CDH9: variants seen among roughly 807,000 people sequenced by gnomAD.
CDH9 encodes cadherin-9.
CDH9 carries 28 observed loss-of-function variants against 70.9 expected under a neutral mutation model. That is an observed-to-expected ratio of 0.40 (90% CI 0.29 to 0.54). The LOEUF is 0.54. Ranked by LOEUF, CDH9 falls within the 20% of genes least tolerant of loss-of-function variation. CDH9 has a pLI of 0.59. For missense variants in CDH9, 874 were observed against 984.4 expected, an observed-to-expected ratio of 0.89 and a Z score of 1.50; for synonymous variants, 409 against 343.1, an observed-to-expected ratio of 1.19 and a Z score of -2.12.
intron 1 of CDH9, among the ~76,000 whole-genome samples, chr5:27,021,305 T>C (rs1006375898): frequency 6.6e-6 from 1 of 151,844 alleles, no homozygotes; most frequent in Non-Finnish European, 1.5e-5. Context: ...ATTAATGACA[T>C]ATTAATAGTC....
rs144484970 is a variant in CDH9, at chr5:26,902,617, T to G, written c.1112A>C (p.Lys371Thr). The part of the protein sequence containing the change: ...LGPFKDTAVV[K>T]ISVEDIDEPP... ...CTCATCTATATCTTCCACAGATATT[T>G]TGACCACAGCTGTATCTTTGAAAGG... The change falls in exon 7 of 12, where the codon AAA becomes ACA. Residue 371 changes from lysine (K) to threonine (T), a missense_variant. Coordinates refer to ENST00000231021, the MANE Select transcript of CDH9 (RefSeq NM_016279.4). 550 of 1,603,222 alleles carry G rather than the reference T, an allele frequency of 3.4e-4. 1 individual carries two copies. The highest frequency in any genetic ancestry group is 4.2e-4 in the Non-Finnish European group (490 of 1,170,352).
At chr5:26,977,238 T>C (rs2112079854) in intron 2 of CDH9, among the ~76,000 whole-genome samples, 1 of 152,018 alleles carries the variant, frequency 6.6e-6, no homozygotes, top group East Asian at 1.9e-4. Context: ...CTCAGACTAA[T>C]GGAAACTGGC....
chr5:26,965,430 G>A (rs960952531), intron 2 of CDH9, among the ~76,000 whole-genome samples: 5 of 151,958 alleles, frequency 3.3e-5, no homozygotes, highest in South Asian at 2.1e-4. Flanking sequence ...ACAAAAATTA[G>A]TCAGGCGTGG....
intron 2 of CDH9, among the ~76,000 whole-genome samples, chr5:26,965,942 A>G (rs1236624970): frequency 6.6e-6 from 1 of 152,206 alleles, no homozygotes; most frequent in African/African-American, 2.4e-5. Flanking sequence ...TTGAATAATC[A>G]CATCCAACTT....
chr5:26,982,700 T>G (rs2329350), intron 2 of CDH9, among the ~76,000 whole-genome samples: 71,459 of 151,352 alleles, frequency 0.47, 17,635 homozygotes, highest in African/African-American at 0.51. Flanking sequence ...GTTTTTTTGT[T>G]TTTTTTGAGA....
chr5:26,977,483 G>GTATATATA (rs1487464701), intron 2 of CDH9, among the ~76,000 whole-genome samples: 1 of 141,466 alleles, frequency 7.1e-6, no homozygotes, highest in Admixed American at 6.9e-5. Context: ...GTGTGTGTGT[G>GTATATATA]TGTATATATA....
At chr5:26,977,485 GTATATA>G (rs775423954) in intron 2 of CDH9, among the ~76,000 whole-genome samples, 93 of 68,840 alleles carry the variant, frequency 1.4e-3, no homozygotes, top group African/African-American at 8.7e-3. Context: ...GTGTGTGTGT[GTATATA>G]TATATATATA....
chr5:26,992,447 C>G (rs969399845), intron 1 of CDH9, among the ~76,000 whole-genome samples: 1 of 152,130 alleles, frequency 6.6e-6, no homozygotes, highest in Non-Finnish European at 1.5e-5. Context: ...CATCTATGAA[C>G]CAGGAAACTG....
chr5:26,974,023 T>C (rs1742264055), intron 2 of CDH9, among the ~76,000 whole-genome samples: 1 of 152,170 alleles, frequency 6.6e-6, no homozygotes, highest in African/African-American at 2.4e-5. Context: ...GGCAGGCAGA[T>C]CACCTGAGAT....
At chr5:26,899,025 C>G (rs926096501) in intron 7 of CDH9, among the ~76,000 whole-genome samples, 1 of 152,128 alleles carries the variant, frequency 6.6e-6, no homozygotes, top group African/African-American at 2.4e-5. Context: ...TGAACAGACA[C>G]TTCTCAAAAG....
intron 2 of CDH9, among the ~76,000 whole-genome samples, chr5:26,960,393 A>G (rs1289051815): frequency 1.3e-5 from 2 of 152,052 alleles, no homozygotes; most frequent in Non-Finnish European, 2.9e-5. Context: ...AAACTTTCCA[A>G]TCACTAGTAT....
intron 7 of CDH9, among the ~76,000 whole-genome samples, chr5:26,900,604 A>G (rs1740838433): frequency 6.6e-6 from 1 of 152,080 alleles, no homozygotes; most frequent in African/African-American, 2.4e-5. Flanking sequence ...CAGACTCAAA[A>G]ATGTTCAATT....
chr5:26,923,433 A>T (rs1049769407), intron 2 of CDH9, among the ~76,000 whole-genome samples: 1 of 152,022 alleles, frequency 6.6e-6, no homozygotes, highest in African/African-American at 2.4e-5. Flanking sequence ...AGCAAACATT[A>T]TTAGAGCTAA....
At chr5:26,999,187 G>A (rs1237865675) in intron 1 of CDH9, among the ~76,000 whole-genome samples, 1 of 152,072 alleles carries the variant, frequency 6.6e-6, no homozygotes, top group Non-Finnish European at 1.5e-5. Context: ...AGAGGTTGCA[G>A]TGAGCCGAGA....
chr5:27,032,816 CG>C (rs1473966946), intron 1 of CDH9, among the ~76,000 whole-genome samples: 38 of 151,132 alleles, frequency 2.5e-4, no homozygotes, highest in Middle Eastern at 3.7e-3. Flanking sequence ...TATTGACTCT[CG>C]GGGAAAATAG....
At chr5:26,894,449 A>G (rs1740712382) in intron 7 of CDH9, among the ~76,000 whole-genome samples, 1 of 152,062 alleles carries the variant, frequency 6.6e-6, no homozygotes, top group Admixed American at 6.6e-5. Flanking sequence ...CTTGAAAGAC[A>G]CTGTTTTTCA....
chr5:26,893,218 G>A (rs1438194186), intron 7 of CDH9, among the ~76,000 whole-genome samples: 1 of 152,158 alleles, frequency 6.6e-6, no homozygotes, highest in Non-Finnish European at 1.5e-5. Context: ...AGTACATGAA[G>A]ATGCTTGCTT....
rs201104068 is a variant in CDH9 at position 26,902,469 on chromosome 5, T to A, written c.1253+7A>T. ...AAAAACATAATAAATGTTTTCAAAG[T>A]ACTTACTTTATTAAATTGTTCCTGG... is the stretch of plus-strand genomic sequence containing the variant. On this transcript the variant is annotated splice_region_variant and intron_variant, in intron 7 of 11. Transcript: ENST00000231021. 6.3e-7 allele frequency: 1 copy of A among 1,580,742 alleles called. No individual in the cohort carries two copies. The highest frequency in any genetic ancestry group is 8.7e-7 in the Non-Finnish European group (1 of 1,153,200).
intron 2 of CDH9, among the ~76,000 whole-genome samples, chr5:26,957,048 C>T (rs528039492): frequency 2.7e-4 from 39 of 142,826 alleles, no homozygotes; most frequent in South Asian, 2.7e-3. Context: ...TACTTTGATA[C>T]CCTGAGTATT....
Sources: allele counts gnomAD v4.1 joint callset (sites outside exome capture counted in the v4.1 genomes callset), GRCh38; gene constraint gnomAD v4.1.1; transcripts MANE v1.5; gene names NCBI Gene and HGNC (gene_info 2026-07-23, HGNC 2026-07-21).